Variants in ITM2B observed in about 807,000 individuals in gnomAD.
The protein encoded by ITM2B is ABri/ADan amyloid peptide.
ITM2B carries 11 observed loss-of-function variants against 27.8 expected under a neutral mutation model. The ratio of observed to expected loss-of-function variants is 0.40; its 90% CI spans 0.25 to 0.66. The LOEUF (loss-of-function observed/expected upper bound fraction) is 0.66, where lower values mean the gene tolerates loss of function less well. Among genes scored for constraint, ITM2B ranks in the 30% least tolerant of loss-of-function variants. The pLI is 0.43. For missense variants in ITM2B, 296 were observed against 328.9 expected (o/e 0.90, Z 0.77); for synonymous variants, 114 against 114.3 (o/e 1.00, Z 0.02).
chr13:48,258,202 C>A lies in ITM2B; in HGVS notation c.530C>A (p.Pro177His). 1 of 1,592,774 alleles carries A rather than the reference C, an allele frequency of 6.3e-7. No homozygotes were observed. The highest frequency in any genetic ancestry group is 8.6e-7 in the Non-Finnish European group (1 of 1,160,874). ...IPLNTSIVMP[P>H]RNLLELLINI... Reference sequence around the variant, plus strand: ...CTGAACACTTCCATTGTTATGCCACCCAGAAACCTACTGGAGTTACTTATT... The same window carrying A: ...CTGAACACTTCCATTGTTATGCCACACAGAAACCTACTGGAGTTACTTATT... The change falls in exon 4 of 6, where the codon CCC (proline) becomes CAC (histidine). Residue 177 changes from proline to histidine, a missense_variant. Coordinates refer to ENST00000647800, the MANE Select transcript of ITM2B (RefSeq NM_021999.5).
At position 48,250,731 on chromosome 13, in the gene ITM2B, A is replaced by G. The variant is rs1035289847; in HGVS notation, c.118-3077A>G. Among the ~76,000 whole-genome samples the G allele has an allele frequency of 9.9e-5, 15 of 152,220 alleles. 1 individual carries two copies. The highest frequency in any genetic ancestry group is 2.1e-4 in the Non-Finnish European group (14 of 68,036). On this transcript the variant is annotated intron_variant, in intron 1 of 5. Transcript: ENST00000647800. ...AGTAATGCAAAATGAATATGAATGG[A>G]TACTTAAAAGATCTTATAGCCTAGT...
chr13:48,245,635 T>G (rs114934396), intron 1 of ITM2B, among the ~76,000 whole-genome samples: 1,585 of 152,162 alleles, frequency 0.01, 28 homozygotes, highest in African/African-American at 0.036. Flanking sequence ...GTTTCATAGA[T>G]TTCTGACAGT....
intron 1 of ITM2B, among the ~76,000 whole-genome samples, chr13:48,245,048 G>A (rs950456315): frequency 3.0e-4 from 45 of 152,116 alleles, no homozygotes; most frequent in African/African-American, 9.4e-4. Flanking sequence ...ATACAAGGCC[G>A]GGTGCAGTGG....
intron 2 of ITM2B, among the ~76,000 whole-genome samples, chr13:48,255,262 C>T (rs929634879): frequency 4.6e-5 from 7 of 150,562 alleles, no homozygotes; most frequent in African/African-American, 7.3e-5. Context: ...TGTGCGCGCG[C>T]GTGTGCGTGC....
At chr13:48,237,172 A>G (rs1468476916) in intron 1 of ITM2B, among the ~76,000 whole-genome samples, 1 of 152,144 alleles carries the variant, frequency 6.6e-6, no homozygotes, top group African/African-American at 2.4e-5. Context: ...ATGGCTGGCC[A>G]TTTACTATAA....
intron 1 of ITM2B, among the ~76,000 whole-genome samples, chr13:48,248,066 A>C (rs1377820540): frequency 6.6e-6 from 1 of 152,130 alleles, no homozygotes; most frequent in Non-Finnish European, 1.5e-5. Flanking sequence ...CCAGTGAAGA[A>C]GCTCTTACTT....
chr13:48,268,336 C>T lies in ITM2B; in HGVS notation c.*7112C>T, dbSNP rs1291128063. 2.7e-5 allele frequency: 4 copies of T among 150,456 alleles called. No homozygotes were observed. Among genetic ancestry groups the T allele is most frequent in the Admixed American group, 6.6e-5 (1 of 15,084 alleles). 9.3% of individuals were successfully genotyped at this position (150,456 alleles called of 1,614,324 possible). A position where few individuals can be genotyped will look rare whatever the true frequency, so the allele number is the denominator to read the frequency against. ...TTTTTTTTTGAGACAGAGTCTGGCT[C>T]TGTCAACTCAGGCTGGAGTGCAGTG... On this transcript the variant is annotated 3_prime_UTR_variant, in exon 6 of 6. Coordinates refer to ENST00000647800, the MANE Select transcript of ITM2B (RefSeq NM_021999.5).
At chr13:48,259,819 G>A (rs1951811464) in intron 5 of ITM2B, among the ~76,000 whole-genome samples, 2 of 151,720 alleles carry the variant, frequency 1.3e-5, no homozygotes, top group Non-Finnish European at 2.9e-5. Context: ...CAGGTAGTGA[G>A]CAAAGTACCC....
chr13:48,255,043 TTTTTGTAC>T (rs1400775638), intron 2 of ITM2B: 2 of 151,870 alleles, frequency 1.3e-5, no homozygotes, highest in Non-Finnish European at 2.9e-5. Flanking sequence ...TCCTGGCTAA[TTTTTGTAC>T]TTTTAGTAGA....
intron 1 of ITM2B, among the ~76,000 whole-genome samples, chr13:48,251,996 T>C (rs1951758582): frequency 2.0e-5 from 3 of 152,252 alleles, no homozygotes; most frequent in African/African-American, 7.2e-5. Flanking sequence ...ATACTTTTCT[T>C]CCTTGCAATA....
intron 1 of ITM2B, among the ~76,000 whole-genome samples, chr13:48,247,846 A>G (rs1460260512): frequency 6.6e-6 from 1 of 152,232 alleles, no homozygotes; most frequent in South Asian, 2.1e-4. Flanking sequence ...CAAGGTGGTT[A>G]TAGGCCAGCG....
At chr13:48,257,262 G>A (rs561539118) in intron 3 of ITM2B, among the ~76,000 whole-genome samples, 11 of 152,134 alleles carry the variant, frequency 7.2e-5, no homozygotes, top group Admixed American at 6.6e-4. Flanking sequence ...ACTGAAACTC[G>A]AGAAGCACAA....
chr13:48,265,108 A>T lies in ITM2B; in HGVS notation c.*3884A>T, dbSNP rs1951844844. 6.6e-6 allele frequency: 1 copy of T among 152,100 alleles called. No individual in the cohort carries two copies. The highest frequency in any genetic ancestry group is 2.4e-5 in the African/African-American group (1 of 41,412). The allele number at this position is 152,100 out of a possible 1,614,324, so 9.4% of individuals were successfully genotyped here. A position where few individuals can be genotyped will look rare whatever the true frequency, so the allele number is the denominator to read the frequency against. On this transcript the variant is annotated 3_prime_UTR_variant, in exon 6 of 6. Transcript: ENST00000647800. ...CTCCCACTTAAAATAATTTGATGGGACTTCTGTATCTGATTTTTAAGCTTG... is the reference window on the plus strand; with the variant it reads ...CTCCCACTTAAAATAATTTGATGGGTCTTCTGTATCTGATTTTTAAGCTTG...
At chr13:48,243,988 A>G (rs550660267) in intron 1 of ITM2B, among the ~76,000 whole-genome samples, 39 of 152,310 alleles carry the variant, frequency 2.6e-4, no homozygotes, top group African/African-American at 9.1e-4. Context: ...AGCAGCACAT[A>G]GAGTCAAGAT....
chr13:48,261,353 C>A lies in ITM2B; in HGVS notation c.*129C>A. ...AGCAAACAGGGCTTTACTATCTTTT[C>A]ATCTCATTAATTCAATTAAAACCAT... On this transcript the variant is annotated 3_prime_UTR_variant, in exon 6 of 6. Transcript: ENST00000647800. The A allele has an allele frequency of 1.4e-6, 1 of 707,508 alleles. No homozygotes were observed. The highest frequency in any genetic ancestry group is 2.5e-6 in the Non-Finnish European group (1 of 403,026). 43.8% of individuals were successfully genotyped at this position (707,508 alleles called of 1,614,324 possible).
intron 1 of ITM2B, among the ~76,000 whole-genome samples, chr13:48,249,384 G>A (rs1016230483): frequency 6.6e-6 from 1 of 152,090 alleles, no homozygotes; most frequent in African/African-American, 2.4e-5. Context: ...ATCAGTTGAT[G>A]GATATTTGGG....
At chr13:48,252,170 C>T (rs1476762033) in intron 1 of ITM2B, among the ~76,000 whole-genome samples, 1 of 152,180 alleles carries the variant, frequency 6.6e-6, no homozygotes, top group Non-Finnish European at 1.5e-5. Flanking sequence ...TCACATTGTT[C>T]TTGGTTGCTT....
chr13:48,235,379 T>A (rs570993193), intron 1 of ITM2B, among the ~76,000 whole-genome samples: 5 of 152,336 alleles, frequency 3.3e-5, no homozygotes, highest in African/African-American at 1.2e-4. Context: ...AGAAAAATAC[T>A]ACTGGGACTA....
chr13:48,244,476 C>A (rs1392757021), intron 1 of ITM2B, among the ~76,000 whole-genome samples: 1 of 152,166 alleles, frequency 6.6e-6, no homozygotes, highest in Non-Finnish European at 1.5e-5. Flanking sequence ...ATCTTTAGAA[C>A]TATTTTTTCT....
Sources: allele counts gnomAD v4.1 joint callset (sites outside exome capture counted in the v4.1 genomes callset), GRCh38; gene constraint gnomAD v4.1.1; transcripts MANE v1.5; gene names NCBI Gene and HGNC (gene_info 2026-07-23, HGNC 2026-07-21).